NUBPL: variants seen among roughly 807,000 people sequenced by gnomAD.
NUBPL encodes NUBP iron-sulfur cluster assembly factor, mitochondrial, also known as iron-sulfur cluster transfer protein NUBPL.
A neutral mutation model predicts 45.7 loss-of-function variants in NUBPL; 31 were observed. That is an observed-to-expected ratio of 0.68 (90% confidence interval 0.51 to 0.92). The LOEUF (loss-of-function observed/expected upper bound fraction) is 0.92. Ranked by LOEUF, NUBPL falls within the 40% of genes least tolerant of loss-of-function variation. NUBPL has a pLI of 0.00. For synonymous variants in NUBPL, 144 were observed against 140.9 expected (o/e 1.02, Z -0.15); for missense variants, 401 against 398.7 (o/e 1.01, Z -0.05).
rs191112913 is a variant in NUBPL at position 31,638,989 on chromosome 14, A to C, written c.383-34366A>C. 2.1e-3 allele frequency among the ~76,000 whole-genome samples: 318 copies of C among 152,076 alleles called. 1 individual carries two copies. The highest frequency in any genetic ancestry group is 7.3e-3 in the African/African-American group (303 of 41,490). ...GTTATTCTAGTTATACATTTGTCTAAATTTTTTTTCAAAGTTTTTCACTTC... is the reference window on the plus strand; with the variant it reads ...GTTATTCTAGTTATACATTTGTCTACATTTTTTTTCAAAGTTTTTCACTTC... On this transcript the variant is annotated intron_variant, in intron 4 of 10. Transcript: ENST00000281081.
chr14:31,824,793 G>A (rs1402858996), intron 7 of NUBPL, among the ~76,000 whole-genome samples: 2 of 151,968 alleles, frequency 1.3e-5, no homozygotes, highest in Non-Finnish European at 2.9e-5. Context: ...CATTAGTTGT[G>A]TCTGCCACTT....
intron 7 of NUBPL, among the ~76,000 whole-genome samples, chr14:31,825,676 TTC>T (rs1491556554): frequency 6.6e-6 from 1 of 150,776 alleles, no homozygotes; most frequent in African/African-American, 2.4e-5. Context: ...TTTTCTTTTT[TTC>T]TCTTTCTTTT....
chr14:31,696,593 C>T (rs937471723), intron 6 of NUBPL, among the ~76,000 whole-genome samples: 14 of 151,712 alleles, frequency 9.2e-5, no homozygotes, highest in Admixed American at 6.6e-4. Flanking sequence ...GAAAAAAAAA[C>T]GTGTTCTCAA....
intron 4 of NUBPL, among the ~76,000 whole-genome samples, chr14:31,632,558 C>T (rs1391914248): frequency 1.3e-5 from 2 of 152,076 alleles, no homozygotes; most frequent in African/African-American, 4.8e-5. Flanking sequence ...ACAGGTGTTT[C>T]AAGATACACA....
chr14:31,710,456 CAAG>C, intron 6 of NUBPL, among the ~76,000 whole-genome samples: 1 of 152,138 alleles, frequency 6.6e-6, no homozygotes, highest in Non-Finnish European at 1.5e-5. Context: ...TCCCAGACCA[CAAG>C]GAGGACTAAG....
intron 4 of NUBPL, among the ~76,000 whole-genome samples, chr14:31,603,807 T>C (rs914810674): frequency 6.6e-6 from 1 of 152,220 alleles, no homozygotes; most frequent in African/African-American, 2.4e-5. Context: ...CTGGTTTCTT[T>C]TTCTTGACTT....
At chr14:31,629,518 G>T (rs931697375) in intron 4 of NUBPL, among the ~76,000 whole-genome samples, 2 of 152,094 alleles carry the variant, frequency 1.3e-5, no homozygotes, top group African/African-American at 4.8e-5. Flanking sequence ...TAAGACAGTG[G>T]AGTCATGTTG....
At chr14:31,736,041 C>A (rs944187809) in intron 6 of NUBPL, among the ~76,000 whole-genome samples, 1 of 152,114 alleles carries the variant, frequency 6.6e-6, no homozygotes, top group Non-Finnish European at 1.5e-5. Context: ...ATTACTCAGT[C>A]TTCCTAACTT....
At chr14:31,834,386 A>C (rs59664106) in intron 8 of NUBPL, among the ~76,000 whole-genome samples, 9 of 151,912 alleles carry the variant, frequency 5.9e-5, no homozygotes, top group Admixed American at 1.3e-4. Flanking sequence ...TCACCGTGTT[A>C]GCCAGGATGG....
chr14:31,842,867 AAT>A (rs1381132500), intron 8 of NUBPL, among the ~76,000 whole-genome samples: 1 of 152,186 alleles, frequency 6.6e-6, no homozygotes, highest in East Asian at 1.9e-4. Context: ...TTACTACATT[AAT>A]ATGTTATTTT....
chr14:31,637,092 G>T (rs2035526869), intron 4 of NUBPL, among the ~76,000 whole-genome samples: 1 of 152,116 alleles, frequency 6.6e-6, no homozygotes, highest in Non-Finnish European at 1.5e-5. Context: ...ATTTCCTTCA[G>T]TTCTGCTCCG....
intron 10 of NUBPL, among the ~76,000 whole-genome samples, chr14:31,857,745 C>T (rs2040647382): frequency 6.6e-6 from 1 of 152,192 alleles, no homozygotes; most frequent in Non-Finnish European, 1.5e-5. Flanking sequence ...ACAACTTCCT[C>T]ATCTCCATCT....
At chr14:31,737,857 C>T (rs1566532852) in intron 6 of NUBPL, among the ~76,000 whole-genome samples, 1 of 152,070 alleles carries the variant, frequency 6.6e-6, no homozygotes, top group African/African-American at 2.4e-5. Flanking sequence ...TCCTTTCTTC[C>T]CATGTATAAG....
intron 4 of NUBPL, among the ~76,000 whole-genome samples, chr14:31,624,094 G>A (rs527636260): frequency 1.4e-4 from 21 of 152,280 alleles, no homozygotes; most frequent in African/African-American, 4.8e-4. Flanking sequence ...AGTGATCCAG[G>A]TGAGATGTAA....
intron 6 of NUBPL, among the ~76,000 whole-genome samples, chr14:31,739,572 A>G (rs963589843): frequency 1.3e-5 from 2 of 152,248 alleles, no homozygotes; most frequent in African/African-American, 4.8e-5. Context: ...TATATATCCC[A>G]TGCCCCAACA....
intron 6 of NUBPL, among the ~76,000 whole-genome samples, chr14:31,694,970 A>G (rs1328964706): frequency 6.6e-6 from 1 of 152,242 alleles, no homozygotes; most frequent in Non-Finnish European, 1.5e-5. Flanking sequence ...CAAGAAATAT[A>G]GATATGCTAG....
intron 3 of NUBPL, 129 bp from the exon 4 acceptor site, chr14:31,599,160 A>C (rs926661804): frequency 1.4e-6 from 1 of 732,790 alleles, no homozygotes; most frequent in Non-Finnish European, 2.4e-6. Flanking sequence ...ATGATTTGTA[A>C]TATTTTGCCA....
chr14:31,835,829 A>G (rs1404720127), intron 8 of NUBPL, among the ~76,000 whole-genome samples: 1 of 152,210 alleles, frequency 6.6e-6, no homozygotes, highest in South Asian at 2.1e-4. Context: ...TTTGAGTCTA[A>G]CAAAGAACTG....
intron 4 of NUBPL, among the ~76,000 whole-genome samples, chr14:31,625,173 C>T (rs1595386472): frequency 1.3e-5 from 2 of 152,062 alleles, no homozygotes; most frequent in South Asian, 4.2e-4. Flanking sequence ...AAGAACTGTA[C>T]CCTAGAAGCC....
Sources: allele counts gnomAD v4.1 joint callset (sites outside exome capture counted in the v4.1 genomes callset), GRCh38; gene constraint gnomAD v4.1.1; transcripts MANE v1.5; gene names NCBI Gene and HGNC (gene_info 2026-07-23, HGNC 2026-07-21).